Variants in C1orf21 observed in about 807,000 individuals in gnomAD.
The protein encoded by C1orf21 is uncharacterized protein C1orf21.
A neutral mutation model predicts 18.7 loss-of-function variants in C1orf21; 3 were observed. The observed-to-expected ratio is 0.16, with a 90% CI of 0.07 to 0.42. The LOEUF (loss-of-function observed/expected upper bound fraction) is 0.42, where lower values mean the gene tolerates loss of function less well. C1orf21 is among the 10% of genes least tolerant of loss of function. C1orf21 has a pLI of 0.99. For synonymous variants in C1orf21, 41 were observed against 46.4 expected, an observed-to-expected ratio of 0.88 and a Z score of 0.47; for missense variants, 104 against 143.6, an observed-to-expected ratio of 0.72 and a Z score of 1.41.
chr1:184,576,421 G>A (rs970441015), intron 3 of C1orf21, among the ~76,000 whole-genome samples: 5 of 152,216 alleles, frequency 3.3e-5, no homozygotes, highest in African/African-American at 7.2e-5. Context: ...CACCGCACCC[G>A]GCTTCTGTGG....
At chr1:184,488,591 A>C (rs144129129) in intron 2 of C1orf21, among the ~76,000 whole-genome samples, 4 of 152,374 alleles carry the variant, frequency 2.6e-5, no homozygotes, top group African/African-American at 9.6e-5. Flanking sequence ...ATTTGTGATT[A>C]TAATATTAAA....
At chr1:184,617,543 A>G (rs557408818) in intron 5 of C1orf21, among the ~76,000 whole-genome samples, 17 of 152,296 alleles carry the variant, frequency 1.1e-4, no homozygotes, top group Admixed American at 9.1e-4. Context: ...ATGTCTCCTG[A>G]GTGTTCTGGG....
At chr1:184,524,162 A>G (rs1043347168) in intron 3 of C1orf21, among the ~76,000 whole-genome samples, 2 of 152,130 alleles carry the variant, frequency 1.3e-5, no homozygotes, top group Admixed American at 1.3e-4. Context: ...TAAGGTCCAC[A>G]AGGGTGAGAT....
intron 3 of C1orf21, among the ~76,000 whole-genome samples, chr1:184,585,835 A>G (rs1366009416): frequency 2.0e-5 from 3 of 152,174 alleles, no homozygotes; most frequent in African/African-American, 7.2e-5. Flanking sequence ...TTCCAGATGT[A>G]TATGTACCAC....
intron 3 of C1orf21, among the ~76,000 whole-genome samples, chr1:184,559,534 C>T (rs1571277498): frequency 7.9e-6 from 1 of 125,878 alleles, no homozygotes; most frequent in African/African-American, 3.4e-5. Context: ...TTCCTTCCTT[C>T]CTTCCTTCCT....
chr1:184,411,717 C>A (rs1219387981), intron 1 of C1orf21, among the ~76,000 whole-genome samples: 1 of 152,142 alleles, frequency 6.6e-6, no homozygotes, highest in Non-Finnish European at 1.5e-5. Flanking sequence ...CCACCGCGCC[C>A]AGCCGGTTAT....
At chr1:184,527,072 C>G (rs188559812) in intron 3 of C1orf21, among the ~76,000 whole-genome samples, 2 of 152,292 alleles carry the variant, frequency 1.3e-5, no homozygotes, top group Admixed American at 1.3e-4. Flanking sequence ...CCCCTTTATG[C>G]TCTCATTTAG....
At chr1:184,505,483 C>G (rs1658046983) in intron 2 of C1orf21, among the ~76,000 whole-genome samples, 1 of 151,480 alleles carries the variant, frequency 6.6e-6, no homozygotes, top group South Asian at 2.1e-4. Context: ...TAATAGTAGG[C>G]CAGGCATGAT....
chr1:184,551,719 T>TG (rs1658815716), intron 3 of C1orf21, among the ~76,000 whole-genome samples: 1 of 152,104 alleles, frequency 6.6e-6, no homozygotes, highest in African/African-American at 2.4e-5. Context: ...AAAGGGGCTT[T>TG]GGGGGTCCAG....
intron 5 of C1orf21, among the ~76,000 whole-genome samples, chr1:184,604,975 C>CG (rs1267272758): frequency 1.3e-5 from 2 of 152,328 alleles, no homozygotes; most frequent in Admixed American, 6.5e-5. Flanking sequence ...ATAAAAACCA[C>CG]GCCATTTCTG....
intron 4 of C1orf21, among the ~76,000 whole-genome samples, chr1:184,592,507 G>A (rs1183583780): frequency 1.3e-5 from 2 of 152,042 alleles, no homozygotes; most frequent in African/African-American, 2.4e-5. Context: ...CTTTGAAGCC[G>A]TCCTCTCCTT....
chr1:184,567,584 A>T (rs1481974390), intron 3 of C1orf21: 1 of 468,848 alleles, frequency 2.1e-6, no homozygotes, highest in African/African-American at 2.0e-5. Context: ...GCTACATCGC[A>T]GGTCCTTGGG....
At chr1:184,434,655 G>A (rs1211813218) in intron 1 of C1orf21, among the ~76,000 whole-genome samples, 1 of 152,210 alleles carries the variant, frequency 6.6e-6, no homozygotes, top group African/African-American at 2.4e-5. Flanking sequence ...GCACTGGGTT[G>A]AGAATTGAAT....
Position 184,626,777 on chromosome 1 carries a change from C to T in C1orf21, c.*7221C>T, listed in dbSNP as rs1437226203. ...AGCTATTTGAATTCAAGGACTTTAA[C>T]CTGGGCCGGATCTGGTTTGGAGACA... is the stretch of plus-strand genomic sequence containing the variant. On this transcript the variant is annotated 3_prime_UTR_variant, in exon 6 of 6. Transcript: ENST00000235307. 2.0e-5 allele frequency: 3 copies of T among 152,564 alleles called. No homozygotes were observed. Among genetic ancestry groups the T allele is most frequent in the Admixed American group, 6.5e-5 (1 of 15,302 alleles). 9.5% of individuals were successfully genotyped at this position (152,564 alleles called of 1,614,324 possible). A position where few individuals can be genotyped will look rare whatever the true frequency, so the allele number is the denominator to read the frequency against.
At chr1:184,478,088 A>G (rs1453121290) in intron 2 of C1orf21, among the ~76,000 whole-genome samples, 1 of 152,208 alleles carries the variant, frequency 6.6e-6, no homozygotes, top group Admixed American at 6.5e-5. Context: ...ATTTAAATCA[A>G]GCTTCAAAGA....
At chr1:184,505,192 C>T (rs1034049259) in intron 2 of C1orf21, among the ~76,000 whole-genome samples, 2 of 151,518 alleles carry the variant, frequency 1.3e-5, no homozygotes, top group Non-Finnish European at 2.9e-5. Flanking sequence ...CTTCACTACA[C>T]AGTGGGCAAG....
chr1:184,553,091 C>T (rs1658835035), intron 3 of C1orf21, among the ~76,000 whole-genome samples: 1 of 152,012 alleles, frequency 6.6e-6, no homozygotes, highest in Admixed American at 6.6e-5. Context: ...ACAGGGCCCT[C>T]AAGTCTAATG....
At chr1:184,395,508 A>C (rs1467717763) in intron 1 of C1orf21, among the ~76,000 whole-genome samples, 1 of 152,126 alleles carries the variant, frequency 6.6e-6, no homozygotes, top group Non-Finnish European at 1.5e-5. Flanking sequence ...GTTTTGTGTC[A>C]TTTCTGGTGC....
At chr1:184,566,751 C>T in intron 3 of C1orf21, 3 of 392,102 alleles carry the variant, frequency 7.7e-6, no homozygotes, top group South Asian at 6.7e-5. Context: ...TGATTCCTGG[C>T]AGGAAAGGCT....
Sources: allele counts gnomAD v4.1 joint callset (sites outside exome capture counted in the v4.1 genomes callset), GRCh38; gene constraint gnomAD v4.1.1; transcripts MANE v1.5; gene names NCBI Gene and HGNC (gene_info 2026-07-23, HGNC 2026-07-21).